The following LRRC4C variants were observed in gnomAD, a reference collection of about 807,000 sequenced individuals.
LRRC4C encodes the protein leucine rich repeat containing 4C.
In LRRC4C, 5 loss-of-function variants were observed where a neutral mutation model predicts 33.6. The observed-to-expected ratio is 0.15, with a 90% CI of 0.08 to 0.31. LRRC4C has a LOEUF of 0.31. LRRC4C is among the 10% of genes least tolerant of loss of function. The probability of loss-of-function intolerance (pLI) is 1.00; values close to 1 mark genes in which losing one functional copy is unlikely to be tolerated. For missense variants in LRRC4C, 560 were observed against 796.7 expected, an observed-to-expected ratio of 0.70 and a Z score of 3.58; for synonymous variants, 329 against 302.0, an observed-to-expected ratio of 1.09 and a Z score of -0.93.
chr11:40,630,767 A>C (rs1027194766), intron 3 of LRRC4C, among the ~76,000 whole-genome samples: 3 of 152,146 alleles, frequency 2.0e-5, no homozygotes, highest in Non-Finnish European at 4.4e-5. Flanking sequence ...TCAAAATTTA[A>C]AGTGAATTCT....
chr11:41,076,202 C>T (rs1250317541), intron 1 of LRRC4C, among the ~76,000 whole-genome samples: 1 of 152,160 alleles, frequency 6.6e-6, no homozygotes, highest in Non-Finnish European at 1.5e-5. Context: ...TTCAACATCT[C>T]CAATGCAATA....
At chr11:40,674,793 C>A (rs1944313734) in intron 2 of LRRC4C, among the ~76,000 whole-genome samples, 1 of 152,100 alleles carries the variant, frequency 6.6e-6, no homozygotes, top group Non-Finnish European at 1.5e-5. Flanking sequence ...AGGCTCTGTG[C>A]TAAAAGCTTT....
chr11:40,462,473 T>C (rs1294397358), intron 3 of LRRC4C, among the ~76,000 whole-genome samples: 2 of 151,954 alleles, frequency 1.3e-5, no homozygotes, highest in Non-Finnish European at 2.9e-5. Flanking sequence ...GAACAAAGAT[T>C]AATAAATCAA....
In LRRC4C at chr11:40,681,994, T is replaced by C. The variant is rs540222218; in HGVS notation, c.-406-33716A>G. Among the ~76,000 whole-genome samples, 9 of 152,184 alleles carry C rather than the reference T, an allele frequency of 5.9e-5. No individual in the cohort carries two copies. The East Asian group carries it at 1.6e-3, about 26-fold the overall frequency. The stretch of plus-strand genomic sequence containing the variant: ...ATAAAAGACAACAAATATGGTGCAG[T>C]GTATACTGCTTGGGTGATGGGTGCT... On this transcript the variant is annotated intron_variant, in intron 2 of 6. Transcript: ENST00000528697.
chr11:40,510,413 C>T (rs1221796477), intron 3 of LRRC4C, among the ~76,000 whole-genome samples: 2 of 151,704 alleles, frequency 1.3e-5, no homozygotes, highest in African/African-American at 4.8e-5. Flanking sequence ...TGTGCATACA[C>T]CATAAATAAA....
At chr11:40,956,504 A>G (rs1958962040) in intron 1 of LRRC4C, among the ~76,000 whole-genome samples, 1 of 151,790 alleles carries the variant, frequency 6.6e-6, no homozygotes, top group Non-Finnish European at 1.5e-5. Context: ...AGAGGTGATC[A>G]GTAAGTGGAT....
intron 3 of LRRC4C, among the ~76,000 whole-genome samples, chr11:40,455,059 A>G (rs1352498454): frequency 6.6e-6 from 1 of 152,174 alleles, no homozygotes. Flanking sequence ...GTATGTCACA[A>G]CAATGAAAAC....
intron 4 of LRRC4C, among the ~76,000 whole-genome samples, chr11:40,270,954 G>T (rs1294697925): frequency 2.6e-5 from 4 of 152,098 alleles, no homozygotes; most frequent in Non-Finnish European, 5.9e-5. Flanking sequence ...CCTGAGTAAG[G>T]TGGCTAGTGG....
At chr11:40,740,950 TG>T (rs1202603526) in intron 2 of LRRC4C, among the ~76,000 whole-genome samples, 2 of 152,104 alleles carry the variant, frequency 1.3e-5, no homozygotes, top group Non-Finnish European at 2.9e-5. Flanking sequence ...GGATTTATTT[TG>T]GGGCTTTCTA....
intron 2 of LRRC4C, among the ~76,000 whole-genome samples, chr11:40,739,052 T>G (rs1036814003): frequency 1.4e-5 from 2 of 147,636 alleles, no homozygotes; most frequent in East Asian, 3.9e-4. Flanking sequence ...TGTGTGTGTG[T>G]GGTGAGAAGA....
At chr11:40,164,592 T>C (rs1378192209) in intron 5 of LRRC4C, among the ~76,000 whole-genome samples, 1 of 152,130 alleles carries the variant, frequency 6.6e-6, no homozygotes, top group Non-Finnish European at 1.5e-5. Context: ...TGACTAACAC[T>C]TAGACAGCAC....
chr11:41,116,456 G>A (rs1263772511), intron 1 of LRRC4C, among the ~76,000 whole-genome samples: 3 of 152,258 alleles, frequency 2.0e-5, no homozygotes, highest in African/African-American at 7.2e-5. Flanking sequence ...ATGATTGGCT[G>A]ATCCTAGAAC....
intron 1 of LRRC4C, among the ~76,000 whole-genome samples, chr11:41,193,005 G>A (rs1946028104): frequency 6.6e-6 from 1 of 151,998 alleles, no homozygotes; most frequent in African/African-American, 2.4e-5. Context: ...AACATTTGAT[G>A]GTAAGAAAGA....
intron 1 of LRRC4C, among the ~76,000 whole-genome samples, chr11:41,059,738 T>C (rs1858927638): frequency 6.6e-6 from 1 of 152,100 alleles, no homozygotes; most frequent in African/African-American, 2.4e-5. Flanking sequence ...GAAAGTTTGT[T>C]AGAAATGCAG....
At position 41,401,921 on chromosome 11, in the gene LRRC4C, C is replaced by T. The variant is rs193234913; in HGVS notation, c.-496+57510G>A. On this transcript the variant is annotated intron_variant, in intron 1 of 6. Transcript: ENST00000528697. ...TCTCTAATTCATTTCTTGTTGATTA[C>T]ATCCTAAGAGACTTTCCCCTTGCTG... Among the ~76,000 whole-genome samples the T allele has an allele frequency of 2.5e-3, 375 of 152,098 alleles. 3 individuals carry two copies. Among genetic ancestry groups the T allele is most frequent in the Non-Finnish European group, 2.0e-3 (134 of 67,926 alleles).
At chr11:41,187,053 C>CCT (rs1365024445) in intron 1 of LRRC4C, among the ~76,000 whole-genome samples, 1 of 152,128 alleles carries the variant, frequency 6.6e-6, no homozygotes, top group Non-Finnish European at 1.5e-5. Flanking sequence ...ATTAAGCTCC[C>CCT]TGATTATATA....
chr11:40,588,161 A>T (rs1418326029), intron 3 of LRRC4C, among the ~76,000 whole-genome samples: 2 of 151,104 alleles, frequency 1.3e-5, no homozygotes, highest in Non-Finnish European at 3.0e-5. Flanking sequence ...AGATCCTGTT[A>T]TTGGTCTATT....
chr11:40,753,222 C>T (rs937963838), intron 2 of LRRC4C, among the ~76,000 whole-genome samples: 12 of 151,832 alleles, frequency 7.9e-5, no homozygotes, highest in Admixed American at 7.9e-4. Context: ...ACTTCGAATG[C>T]TTTATAGCCG....
At chr11:40,371,267 C>G (rs1461542089) in intron 3 of LRRC4C, among the ~76,000 whole-genome samples, 1 of 151,964 alleles carries the variant, frequency 6.6e-6, no homozygotes, top group Non-Finnish European at 1.5e-5. Context: ...TTACAAATTG[C>G]AGTTTACTTC....
Sources: allele counts gnomAD v4.1 joint callset (sites outside exome capture counted in the v4.1 genomes callset), GRCh38; gene constraint gnomAD v4.1.1; transcripts MANE v1.5; gene names NCBI Gene and HGNC (gene_info 2026-07-23, HGNC 2026-07-21).